The following ZFHX3 variants were observed in gnomAD, a reference collection of about 807,000 sequenced individuals.
ZFHX3 encodes zinc finger homeobox protein 3.
ZFHX3 carries 42 observed loss-of-function variants against 279.1 expected under a neutral mutation model. That is an observed-to-expected ratio of 0.15 (90% confidence interval 0.12 to 0.19). The LOEUF (loss-of-function observed/expected upper bound fraction) is 0.19, where lower values mean the gene tolerates loss of function less well. Among genes scored for constraint, ZFHX3 ranks in the 10% least tolerant of loss-of-function variants. The pLI is 1.00. For synonymous variants in ZFHX3, 2,293 were observed against 1,957.8 expected, an observed-to-expected ratio of 1.17 and a Z score of -4.52; for missense variants, 4,981 against 4,754.0, an observed-to-expected ratio of 1.05 and a Z score of -1.40.
chr16:73,577,312 T>A (rs2051810560), intron 2 of ZFHX3, among the ~76,000 whole-genome samples: 1 of 152,174 alleles, frequency 6.6e-6, no homozygotes, highest in African/African-American at 2.4e-5. Flanking sequence ...ACTTTTGGTG[T>A]CTCCTGTAAA....
chr16:73,180,417 C>T (rs1364222624), intron 5 of ZFHX3, among the ~76,000 whole-genome samples: 1 of 152,212 alleles, frequency 6.6e-6, no homozygotes, highest in Non-Finnish European at 1.5e-5. Context: ...GCTCTGTATA[C>T]TCTACCTGCC....
intron 2 of ZFHX3, among the ~76,000 whole-genome samples, chr16:73,498,497 C>G (rs999010646): frequency 4.6e-5 from 7 of 152,198 alleles, no homozygotes; most frequent in Non-Finnish European, 5.9e-5. Flanking sequence ...TTCAAAAGAC[C>G]TGGAACCTTG....
At chr16:73,654,611 A>G (rs1453777149) in intron 2 of ZFHX3, among the ~76,000 whole-genome samples, 1 of 152,142 alleles carries the variant, frequency 6.6e-6, no homozygotes, top group Non-Finnish European at 1.5e-5. Flanking sequence ...AAGGTAATAC[A>G]GCATGAATAA....
At chr16:73,062,213 T>C (rs1367636304), upstream of ZFHX3, 2 of 152,208 alleles carry the variant, frequency 1.3e-5, no homozygotes, top group African/African-American at 4.8e-5. Flanking sequence ...AGGCTAAATA[T>C]TGCATTGCTG....
intron 2 of ZFHX3, among the ~76,000 whole-genome samples, chr16:73,577,283 A>G (rs1162136866): frequency 2.0e-5 from 3 of 152,174 alleles, no homozygotes; most frequent in Non-Finnish European, 4.4e-5. Context: ...ACTGTATCTC[A>G]GGCACTTCCT....
At chr16:73,241,175 C>A (rs1017767122) in intron 5 of ZFHX3, among the ~76,000 whole-genome samples, 2 of 152,176 alleles carry the variant, frequency 1.3e-5, no homozygotes, top group African/African-American at 2.4e-5. Flanking sequence ...ACGTTAGGCA[C>A]CTGTGCCCAT....
intron 3 of ZFHX3, among the ~76,000 whole-genome samples, chr16:72,939,840 T>G (rs2144339602): frequency 6.6e-6 from 1 of 152,248 alleles, no homozygotes; most frequent in Non-Finnish European, 1.5e-5. Context: ...TGCAGTGCTG[T>G]GATCATGGCT....
rs1961362057 is a variant in ZFHX3 at position 72,958,245 on chromosome 16, C to T, written c.1901G>A (p.Cys634Tyr). ...GCACTCCACGCCACTCCCCGAGGGG[C>T]ACTCCCCAACCCCAAGCTCGCAGAG... is the stretch of plus-strand genomic sequence containing the variant. Reference protein sequence around the residue: ...GSLCELGVGECPSGSGVECPK... With the variant: ...GSLCELGVGEYPSGSGVECPK... The change falls in exon 2 of 10, where the codon TGC becomes TAC. Residue 634 changes from cysteine (C) to tyrosine (Y), a missense_variant. Cys to Tyr is a radical substitution (Grantham distance 194). Around this residue, in one of 7 missense-constraint regions of ZFHX3, gnomAD observed 1,068 missense variants for 935.2 expected, o/e 1.14. Transcript: ENST00000268489. 3.7e-6 allele frequency: 6 copies of T among 1,613,178 alleles called. No homozygotes were observed. Among genetic ancestry groups the T allele is most frequent in the Non-Finnish European group, 5.1e-6 (6 of 1,179,166 alleles).
chr16:73,810,325 T>C (rs1052651694), intron 1 of ZFHX3, among the ~76,000 whole-genome samples: 1 of 152,210 alleles, frequency 6.6e-6, no homozygotes, highest in African/African-American at 2.4e-5. Flanking sequence ...TGATGAAACA[T>C]TCTCTTTCAG....
At position 73,763,388 on chromosome 16, in the gene ZFHX3, C is replaced by T. The variant is rs186448337; in HGVS notation, c.-1607-83148G>A. Among the ~76,000 whole-genome samples the T allele has an allele frequency of 2.3e-4, 35 of 152,274 alleles. No homozygotes were observed. In the East Asian group the frequency reaches 6.8e-3, roughly 29 times the overall value. ...AATTCTAATTAATGTCTTCCCATTT[C>T]TTGGTTATTATCTGCATGAACCCAT... On this transcript the variant is annotated intron_variant, in intron 1 of 17. Transcript: ENST00000641206.
At chr16:73,867,536 G>A (rs1360370298) in intron 1 of ZFHX3, among the ~76,000 whole-genome samples, 1 of 152,132 alleles carries the variant, frequency 6.6e-6, no homozygotes, top group Admixed American at 6.5e-5. Context: ...GATATTTTAG[G>A]CTTAGTGCTT....
chr16:73,374,180 T>C (rs1373846075), intron 3 of ZFHX3, among the ~76,000 whole-genome samples: 1 of 152,234 alleles, frequency 6.6e-6, no homozygotes, highest in East Asian at 1.9e-4. Context: ...GCAGGTGGGT[T>C]ATTTCTTAAA....
intron 1 of ZFHX3, among the ~76,000 whole-genome samples, chr16:73,740,629 AAAATAC>A (rs376359526): frequency 1.1e-3 from 166 of 152,350 alleles, no homozygotes; most frequent in African/African-American, 3.6e-3. Flanking sequence ...ACAAAAAAGC[AAAATAC>A]AAATACAAAA....
intron 4 of ZFHX3, among the ~76,000 whole-genome samples, chr16:72,881,930 A>C (rs1597341852): frequency 6.6e-6 from 1 of 152,190 alleles, no homozygotes; most frequent in East Asian, 1.9e-4. Context: ...CACCTTTCGA[A>C]GGTGACTTGG....
intron 2 of ZFHX3, among the ~76,000 whole-genome samples, chr16:73,573,450 G>C (rs2051762365): frequency 6.6e-6 from 1 of 152,128 alleles, no homozygotes; most frequent in South Asian, 2.1e-4. Flanking sequence ...GAAAAGAGCA[G>C]GAGTTTTGCC....
intron 1 of ZFHX3, among the ~76,000 whole-genome samples, chr16:72,989,947 A>T (rs186410784): frequency 1.1e-4 from 17 of 152,342 alleles, no homozygotes; most frequent in Non-Finnish European, 1.9e-4. Context: ...GGCTCAGGAA[A>T]AGAGAAAGCA....
At chr16:72,879,520 G>A (rs2038407071) in intron 4 of ZFHX3, among the ~76,000 whole-genome samples, 1 of 152,170 alleles carries the variant, frequency 6.6e-6, no homozygotes, top group African/African-American at 2.4e-5. Flanking sequence ...CTGCCTCCCA[G>A]GTGCAAGTGA....
chr16:73,242,959 G>T (rs1360504263), intron 5 of ZFHX3, among the ~76,000 whole-genome samples: 1 of 152,182 alleles, frequency 6.6e-6, no homozygotes, highest in East Asian at 1.9e-4. Flanking sequence ...TAACCAGAAG[G>T]ACGTGGCAAT....
At chr16:73,399,609 C>T (rs1389002575) in intron 3 of ZFHX3, among the ~76,000 whole-genome samples, 1 of 152,134 alleles carries the variant, frequency 6.6e-6, no homozygotes, top group African/African-American at 2.4e-5. Flanking sequence ...CTACGGTGCA[C>T]TGGAGCATGC....
Sources: gnomAD v4.1 joint callset for allele counts (sites outside exome capture counted in the v4.1 genomes callset) on GRCh38, gnomAD v4.1.1 for gene constraint, gnomAD v4.1.1 regional missense constraint, MANE v1.5 for transcripts, NCBI Gene and HGNC (gene_info 2026-07-23, HGNC 2026-07-21) for gene names.